Variants in FAT4 observed in about 807,000 individuals in gnomAD.
FAT4 encodes FAT atypical cadherin 4, also known as protocadherin Fat 4.
FAT4 carries 84 observed loss-of-function variants against 303.9 expected under a neutral mutation model. The ratio of observed to expected loss-of-function variants is 0.28; its 90% CI spans 0.23 to 0.33. FAT4 has a LOEUF of 0.33. Among genes scored for constraint, FAT4 ranks in the 10% least tolerant of loss-of-function variants. FAT4 has a pLI of 1.00. For synonymous variants in FAT4, 2,307 were observed against 2,298.8 expected (o/e 1.00, Z -0.10); for missense variants, 6,005 against 6,146.8 (o/e 0.98, Z 0.77).
chr4:125,409,410 C>A (rs569694930), intron 5 of FAT4, among the ~76,000 whole-genome samples: 3 of 152,088 alleles, frequency 2.0e-5, no homozygotes, highest in East Asian at 1.9e-4. Context: ...GCATGCACCA[C>A]CACGCCTGGC....
chr4:125,351,302 T>G (rs748739744), intron 2 of FAT4, among the ~76,000 whole-genome samples: 7 of 151,778 alleles, frequency 4.6e-5, no homozygotes, highest in Non-Finnish European at 7.4e-5. Context: ...AGGCCATCAC[T>G]GATACAGTAA....
chr4:125,362,194 T>C lies in FAT4; in HGVS notation c.5176-36590T>C, dbSNP rs182451891. On this transcript the variant is annotated intron_variant, in intron 2 of 17. Transcript: ENST00000394329. ...ATTTACCCTTATATTATCATGGTTTTTGATTAAAAGCGTATGTGTGTGTTT... is the reference window on the plus strand; with the variant it reads ...ATTTACCCTTATATTATCATGGTTTCTGATTAAAAGCGTATGTGTGTGTTT... 2.4e-3 allele frequency among the ~76,000 whole-genome samples: 366 copies of C among 152,290 alleles called. 1 individual carries two copies. The highest frequency in any genetic ancestry group is 8.5e-3 in the African/African-American group (353 of 41,568).
At position 125,452,141 on chromosome 4, in the gene FAT4, G is replaced by A; in HGVS notation, c.11131G>A (p.Val3711Met). 2 of 1,614,220 alleles carry A rather than the reference G, an allele frequency of 1.2e-6. No individual in the cohort carries two copies. Among genetic ancestry groups the A allele is most frequent in the Non-Finnish European group, 1.7e-6 (2 of 1,180,040 alleles). ...VFFAGFSNAT[V>M]DNSILLRLGV... ...CTTTGCTGGATTTTCCAATGCCACA[G>A]TGGATAACAGCATCTTACTTCGTCT... is the stretch of plus-strand genomic sequence containing the variant. The change falls in exon 10 of 18, where the codon GTG becomes ATG. Residue 3711 changes from valine (V) to methionine (M), a missense_variant. Val to Met is a conservative substitution (Grantham distance 21, BLOSUM62 1). Coordinates refer to ENST00000394329, the MANE Select transcript of FAT4 (RefSeq NM_001291303.3).
intron 8 of FAT4, among the ~76,000 whole-genome samples, chr4:125,442,270 G>A (rs1026888750): frequency 3.9e-5 from 6 of 152,110 alleles, no homozygotes; most frequent in Non-Finnish European, 7.4e-5. Flanking sequence ...AATACCTACA[G>A]TGACACCTCT....
At chr4:125,399,890 CT>C (rs1423677170) in intron 3 of FAT4, among the ~76,000 whole-genome samples, 2 of 151,844 alleles carry the variant, frequency 1.3e-5, no homozygotes, top group African/African-American at 4.8e-5. Flanking sequence ...ATTTAGCTAG[CT>C]TTAAAAGAGT....
At chr4:125,430,840 A>T (rs17009641) in intron 7 of FAT4, among the ~76,000 whole-genome samples, 2 of 152,084 alleles carry the variant, frequency 1.3e-5, no homozygotes, top group Non-Finnish European at 2.9e-5. Context: ...AGAATCATTT[A>T]CTAATCTCAA....
intron 8 of FAT4, among the ~76,000 whole-genome samples, chr4:125,438,016 C>T (rs1004319974): frequency 1.3e-5 from 2 of 152,178 alleles, no homozygotes; most frequent in African/African-American, 4.8e-5. Flanking sequence ...ACCTGTCTAT[C>T]ATTTGTTAGT....
chr4:125,436,167 G>A (rs1375581582), intron 8 of FAT4, among the ~76,000 whole-genome samples: 1 of 144,090 alleles, frequency 6.9e-6, no homozygotes, highest in African/African-American at 2.6e-5. Flanking sequence ...TTGTGCACAT[G>A]TACCCTAGAA....
chr4:125,339,133 A>G (rs1027602999), intron 2 of FAT4, among the ~76,000 whole-genome samples: 18 of 152,128 alleles, frequency 1.2e-4, no homozygotes, highest in Non-Finnish European at 2.1e-4. Context: ...GTCAGGAAAT[A>G]TAATTATTCA....
Position 125,482,854 on chromosome 4 carries a change from A to T in FAT4, c.12822+1116A>T, listed in dbSNP as rs544983140. 1.7e-4 allele frequency among the ~76,000 whole-genome samples: 26 copies of T among 152,340 alleles called. 1 individual carries two copies. Among genetic ancestry groups the T allele is most frequent in the African/African-American group, 6.0e-4 (25 of 41,584 alleles). On this transcript the variant is annotated intron_variant, in intron 16 of 17. Transcript: ENST00000394329. ...TATGTTGCATATAAATATATTTAAT[A>T]AGTAGTACAAAAACCAATATTTCTT...
chr4:125,431,370 G>A (rs1326817110), intron 7 of FAT4, among the ~76,000 whole-genome samples: 3 of 152,092 alleles, frequency 2.0e-5, no homozygotes, highest in Non-Finnish European at 2.9e-5. Context: ...AATGTCTCAT[G>A]TATTTTTACC....
chr4:125,461,009 A>G (rs1334098436), intron 10 of FAT4, among the ~76,000 whole-genome samples: 1 of 152,014 alleles, frequency 6.6e-6, no homozygotes, highest in East Asian at 1.9e-4. Flanking sequence ...TTCTATTGAG[A>G]ATTTAAGTTT....
In FAT4 at chr4:125,489,650, G is replaced by GGGTTT. The variant is rs1354767095; in HGVS notation, c.13085-251_13085-250insGGTTT. 9.9e-4 allele frequency among the ~76,000 whole-genome samples: 150 copies of GGGTTT among 152,192 alleles called. 2 individuals are homozygous for GGGTTT. The highest frequency in any genetic ancestry group is 3.4e-3 in the Middle Eastern group (1 of 294). On this transcript the variant is annotated intron_variant, in intron 17 of 17. Coordinates refer to ENST00000394329, the MANE Select transcript of FAT4 (RefSeq NM_001291303.3). ...TGCCCAAGTCATTCATAAATCTTCA[G>GGGTTT]AATGAGTGGGATTCAAGCAATCTGA...
chr4:125,377,543 A>T (rs1733380986), intron 2 of FAT4, among the ~76,000 whole-genome samples: 1 of 152,124 alleles, frequency 6.6e-6, no homozygotes, highest in Non-Finnish European at 1.5e-5. Flanking sequence ...TATGTATATT[A>T]TTTTATGACT....
At chr4:125,417,266 T>A (rs1735112352) in intron 7 of FAT4, among the ~76,000 whole-genome samples, 1 of 152,086 alleles carries the variant, frequency 6.6e-6, no homozygotes, top group African/African-American at 2.4e-5. Flanking sequence ...TTTGGAAACA[T>A]GTAGATGGTT....
At chr4:125,482,041 T>C (rs963656431) in intron 16 of FAT4, among the ~76,000 whole-genome samples, 4 of 152,342 alleles carry the variant, frequency 2.6e-5, no homozygotes, top group East Asian at 3.9e-4. Flanking sequence ...TTATATCACT[T>C]CTTTTCTTAC....
chr4:125,469,371 A>G (rs1719602163), intron 12 of FAT4, among the ~76,000 whole-genome samples: 1 of 152,150 alleles, frequency 6.6e-6, no homozygotes, highest in Non-Finnish European at 1.5e-5. Flanking sequence ...ATAAAACAAC[A>G]GGAAACGTTG....
At chr4:125,369,061 A>T (rs1284169720) in intron 2 of FAT4, among the ~76,000 whole-genome samples, 1 of 152,178 alleles carries the variant, frequency 6.6e-6, no homozygotes, top group Admixed American at 6.6e-5. Context: ...TGTATTTTTC[A>T]TGCATGATAT....
At chr4:125,472,494 A>G (rs1414073901) in intron 12 of FAT4, among the ~76,000 whole-genome samples, 1 of 152,180 alleles carries the variant, frequency 6.6e-6, no homozygotes, top group Non-Finnish European at 1.5e-5. Context: ...TATGCAATCT[A>G]TAATTACCAA....
Sources: gnomAD v4.1 joint callset for allele counts (sites outside exome capture counted in the v4.1 genomes callset) on GRCh38, gnomAD v4.1.1 for gene constraint, MANE v1.5 for transcripts, NCBI Gene and HGNC (gene_info 2026-07-23, HGNC 2026-07-21) for gene names.